Variants in TSHR observed in about 807,000 individuals in gnomAD.
The protein encoded by TSHR is thyroid stimulating hormone receptor, also known as thyrotropin receptor.
In TSHR, 51 loss-of-function variants were observed where a neutral mutation model predicts 64.1. The observed-to-expected ratio is 0.80, with a 90% CI of 0.64 to 1.01. TSHR has a LOEUF of 1.01. TSHR is among the 50% of genes least tolerant of loss of function. The probability of loss-of-function intolerance (pLI) is 0.00; values close to 1 mark genes in which losing one functional copy is unlikely to be tolerated. For missense variants in TSHR, 877 were observed against 942.8 expected, an observed-to-expected ratio of 0.93 and a Z score of 0.91; for synonymous variants, 361 against 361.9, an observed-to-expected ratio of 1.00 and a Z score of 0.03.
rs189551847 is a variant in TSHR at position 80,990,308 on chromosome 14, G to C, written c.170+34458G>C. On this transcript the variant is annotated intron_variant, in intron 1 of 9. Coordinates refer to ENST00000298171, the MANE Select transcript of TSHR (RefSeq NM_000369.5). Reference sequence around the variant, plus strand: ...CAAGCAAGGTATCTGTGGCCAGGCTGTATGGACCTATGCCTTGGGGCAGCT... The same window carrying C: ...CAAGCAAGGTATCTGTGGCCAGGCTCTATGGACCTATGCCTTGGGGCAGCT... 2.5e-3 allele frequency among the ~76,000 whole-genome samples: 387 copies of C among 152,356 alleles called. 7 individuals are homozygous for C. Among genetic ancestry groups the C allele is most frequent in the African/African-American group, 8.9e-3 (369 of 41,596 alleles).
At chr14:81,039,227 C>T (rs1884803602) in intron 1 of TSHR, among the ~76,000 whole-genome samples, 1 of 151,892 alleles carries the variant, frequency 6.6e-6, no homozygotes, top group Non-Finnish European at 1.5e-5. Flanking sequence ...AAGCATCATA[C>T]ATCACATTAA....
intron 1 of TSHR, among the ~76,000 whole-genome samples, chr14:81,022,235 A>C (rs1195504923): frequency 1.3e-5 from 2 of 152,120 alleles, no homozygotes; most frequent in African/African-American, 4.8e-5. Flanking sequence ...GTGCCACTGC[A>C]CTCCAGCCTG....
At chr14:81,070,977 A>T (rs978656178) in intron 3 of TSHR, among the ~76,000 whole-genome samples, 6 of 152,192 alleles carry the variant, frequency 3.9e-5, no homozygotes, top group African/African-American at 1.2e-4. Flanking sequence ...AGGTCAATAT[A>T]TGGGTAAATA....
Position 80,983,614 on chromosome 14 carries a change from T to TTCA in TSHR, c.170+27765_170+27766insCAT, listed in dbSNP as rs1888287736. The TTCA allele has an allele frequency of 9.6e-6, 9 of 934,246 alleles. No homozygotes were observed. The African/African-American group carries it at 1.3e-4, about 14-fold the overall frequency. The allele number at this position is 934,246 out of a possible 1,614,324, so 57.9% of individuals were successfully genotyped here. ...ACACTCATGGGCATTCTCAGGGAAG[T>TTCA]TAAAGGGATTATTGAAGCAATGTAA... On this transcript the variant is annotated intron_variant, in intron 1 of 9. Coordinates refer to ENST00000298171, the MANE Select transcript of TSHR (RefSeq NM_000369.5).
chr14:81,093,731 G>A (rs1305234701), intron 6 of TSHR: 1 of 152,212 alleles, frequency 6.6e-6, no homozygotes. Flanking sequence ...AACCTGGTGA[G>A]CGGTCCCTTG....
At chr14:81,085,370 A>G (rs145671867) in intron 3 of TSHR, among the ~76,000 whole-genome samples, 28 of 152,330 alleles carry the variant, frequency 1.8e-4, no homozygotes, top group African/African-American at 6.0e-4. Context: ...CTTGTGAGCA[A>G]GTGGTAAGCT....
chr14:80,972,639 T>G (rs1213956754), intron 1 of TSHR, among the ~76,000 whole-genome samples: 1 of 152,194 alleles, frequency 6.6e-6, no homozygotes, highest in Non-Finnish European at 1.5e-5. Context: ...TTAACCATTT[T>G]CAAGTATAAC....
At chr14:80,956,758 C>G (rs1186478208) in intron 1 of TSHR, among the ~76,000 whole-genome samples, 1 of 152,102 alleles carries the variant, frequency 6.6e-6, no homozygotes, top group East Asian at 1.9e-4. Context: ...TAGATTTTCT[C>G]AAGAATTTAG....
chr14:80,958,438 T>C (rs1237672664), intron 1 of TSHR, among the ~76,000 whole-genome samples: 1 of 152,130 alleles, frequency 6.6e-6, no homozygotes, highest in Non-Finnish European at 1.5e-5. Flanking sequence ...CACACCAGTG[T>C]TCCCCTGATG....
chr14:81,052,192 G>A (rs1458834792), intron 1 of TSHR: 2 of 152,166 alleles, frequency 1.3e-5, no homozygotes, highest in Non-Finnish European at 2.9e-5. Flanking sequence ...TTACATTTAA[G>A]AGTCTCACCC....
At chr14:81,030,271 T>C (rs1009607203) in intron 1 of TSHR, among the ~76,000 whole-genome samples, 1 of 152,144 alleles carries the variant, frequency 6.6e-6, no homozygotes, top group Non-Finnish European at 1.5e-5. Context: ...ATGAACCTAG[T>C]TCATTTTTTT....
intron 1 of TSHR, among the ~76,000 whole-genome samples, chr14:81,021,424 A>G (rs1057407667): frequency 1.3e-5 from 2 of 152,184 alleles, no homozygotes; most frequent in African/African-American, 4.8e-5. Flanking sequence ...GGGAAAAAAG[A>G]TTCTGGGTTT....
chr14:80,956,744 C>T, intron 1 of TSHR, among the ~76,000 whole-genome samples: 1 of 152,068 alleles, frequency 6.6e-6, no homozygotes, highest in East Asian at 1.9e-4. Context: ...GAAAGTTGCA[C>T]CTCTAGATTT....
intron 3 of TSHR, among the ~76,000 whole-genome samples, chr14:81,087,173 T>C (rs1366793201): frequency 6.6e-6 from 1 of 152,244 alleles, no homozygotes; most frequent in East Asian, 1.9e-4. Flanking sequence ...TAGGTGCCAC[T>C]CCTAAGGAGA....
intron 6 of TSHR, among the ~76,000 whole-genome samples, chr14:81,094,812 GAAT>G (rs1566810154): frequency 2.0e-5 from 3 of 148,166 alleles, no homozygotes; most frequent in African/African-American, 7.4e-5. Flanking sequence ...TCAGCCTCCC[GAAT>G]AGCTCCTTTT....
rs143297632 is a variant in TSHR at position 80,980,853 on chromosome 14, T to C, written c.170+25003T>C. ...ATCTGGTTTCTTAGCTTTACATATA[T>C]TTCCAGGCCACTATTCTTCAGCTAA... On this transcript the variant is annotated intron_variant, in intron 1 of 9. Transcript: ENST00000298171. 2.8e-3 allele frequency among the ~76,000 whole-genome samples: 422 copies of C among 152,334 alleles called. 3 individuals carry two copies. Among genetic ancestry groups the C allele is most frequent in the African/African-American group, 9.8e-3 (407 of 41,570 alleles).
At chr14:81,041,830 C>T (rs923259894) in intron 1 of TSHR, among the ~76,000 whole-genome samples, 3 of 152,094 alleles carry the variant, frequency 2.0e-5, no homozygotes, top group African/African-American at 7.2e-5. Flanking sequence ...CAGTAATATA[C>T]TATACAGGTT....
intron 1 of TSHR, among the ~76,000 whole-genome samples, chr14:80,996,399 A>T (rs756730086): frequency 2.6e-5 from 4 of 152,050 alleles, no homozygotes; most frequent in African/African-American, 2.4e-5. Context: ...TCATTTTTTT[A>T]AAACTTTCGT....
At chr14:81,043,188 C>A (rs555156700) in intron 1 of TSHR, among the ~76,000 whole-genome samples, 16 of 152,128 alleles carry the variant, frequency 1.1e-4, no homozygotes, top group Admixed American at 2.6e-4. Flanking sequence ...CTAGAAAACC[C>A]CATAGTTTCA....
Sources: gnomAD v4.1 joint callset for allele counts (sites outside exome capture counted in the v4.1 genomes callset) on GRCh38, gnomAD v4.1.1 for gene constraint, MANE v1.5 for transcripts, NCBI Gene and HGNC (gene_info 2026-07-23, HGNC 2026-07-21) for gene names.